The following SPAG9 variants were observed in gnomAD, a reference collection of about 807,000 sequenced individuals.
The protein encoded by SPAG9 is C-Jun-amino-terminal kinase-interacting protein 4.
A neutral mutation model predicts 166.5 loss-of-function variants in SPAG9; 35 were observed. That is an observed-to-expected ratio of 0.21 (90% confidence interval 0.16 to 0.28). The LOEUF (loss-of-function observed/expected upper bound fraction) is 0.28, where lower values mean the gene tolerates loss of function less well. SPAG9 is among the 10% of genes least tolerant of loss of function. SPAG9 has a pLI of 1.00. For missense variants in SPAG9, 1,235 were observed against 1,603.3 expected (o/e 0.77, Z 3.92); for synonymous variants, 534 against 565.5 (o/e 0.94, Z 0.79).
chr17:51,057,756 T>A (rs183624574), intron 2 of SPAG9, among the ~76,000 whole-genome samples: 1 of 152,332 alleles, frequency 6.6e-6, no homozygotes, highest in East Asian at 1.9e-4. Flanking sequence ...CACACTACAG[T>A]ACCCACGGAG....
chr17:51,060,500 C>CT lies in SPAG9; in HGVS notation c.425-4019dup, dbSNP rs139302823. Reference sequence around the variant, plus strand: ...CCTCGGTGACAGAGCGGGACTTTGTCTTTTTAAAAAAAAAAAAAAAAAAAA... The same window carrying CT: ...CCTCGGTGACAGAGCGGGACTTTGTCTTTTTTAAAAAAAAAAAAAAAAAAAA... On this transcript the variant is annotated intron_variant, in intron 2 of 29. Coordinates refer to ENST00000262013, the MANE Select transcript of SPAG9 (RefSeq NM_001130528.3). Among the ~76,000 whole-genome samples, 580 of 92,530 alleles carry CT rather than the reference C, an allele frequency of 6.3e-3. 3 individuals carry two copies. Among genetic ancestry groups the CT allele is most frequent in the African/African-American group, 0.026 (535 of 20,706 alleles). 60.7% of individuals were successfully genotyped at this position (92,530 alleles called of 152,430 possible).
chr17:51,027,338 A>G (rs2046221822), intron 6 of SPAG9, among the ~76,000 whole-genome samples: 1 of 152,060 alleles, frequency 6.6e-6, no homozygotes, highest in Non-Finnish European at 1.5e-5. Context: ...CGGCTGAGGC[A>G]CGAGAATCAC....
rs200011303 is a variant in SPAG9 at position 50,974,796 on chromosome 17, A to G, written c.3675T>C (p.Ala1225=). The G allele has an allele frequency of 1.9e-6, 3 of 1,601,074 alleles. No individual in the cohort carries two copies. The highest frequency in any genetic ancestry group is 2.5e-6 in the Non-Finnish European group (3 of 1,176,770). Residue 1225 remains alanine (A), a synonymous_variant, in exon 28 of 30, where the codon GCT becomes GCC. Transcript: ENST00000262013. The part of the protein sequence containing the change: ...AQLCFHGHRD[A]VKFFVAVPGQ... ...CTGGGACTGCCACAAAGAATTTCAC[A>G]GCATCCCGGTGCCCATGGAAGCAAA...
Position 51,086,364 on chromosome 17 carries a change from T to G in SPAG9, c.304-6660A>C, listed in dbSNP as rs2048306845. On this transcript the variant is annotated intron_variant, in intron 1 of 29. Transcript: ENST00000262013. The stretch of plus-strand genomic sequence containing the variant: ...TCATTTAAAATGCTAATCACAGCCA[T>G]GTGCAGTGGCTCATTCCTGTAATCC... Among the ~76,000 whole-genome samples the G allele has an allele frequency of 1.3e-5, 2 of 151,898 alleles. 1 individual carries two copies. Among genetic ancestry groups the G allele is most frequent in the South Asian group, 4.2e-4 (2 of 4,810 alleles).
At chr17:51,045,172 G>A (rs923572103) in intron 4 of SPAG9, among the ~76,000 whole-genome samples, 1 of 152,204 alleles carries the variant, frequency 6.6e-6, no homozygotes, top group Non-Finnish European at 1.5e-5. Context: ...CACCCAGGCA[G>A]TTCAATTCCA....
At chr17:50,969,066 G>A (rs1245448265) in intron 29 of SPAG9, among the ~76,000 whole-genome samples, 2 of 151,906 alleles carry the variant, frequency 1.3e-5, no homozygotes, top group Non-Finnish European at 2.9e-5. Context: ...CTGAATAGCT[G>A]GGATTACAGG....
chr17:51,023,842 T>C (rs1480541936), intron 6 of SPAG9, among the ~76,000 whole-genome samples: 1 of 152,162 alleles, frequency 6.6e-6, no homozygotes, highest in African/African-American at 2.4e-5. Flanking sequence ...TTTTTTGTAT[T>C]TTTGGTACAG....
intron 6 of SPAG9, among the ~76,000 whole-genome samples, chr17:51,022,577 A>C (rs2045980660): frequency 6.6e-6 from 1 of 152,034 alleles, no homozygotes; most frequent in South Asian, 2.1e-4. Flanking sequence ...GTTCTTTTGG[A>C]GCACCCAGGT....
At chr17:50,991,180 G>A (rs955577019) in intron 19 of SPAG9, among the ~76,000 whole-genome samples, 3 of 151,950 alleles carry the variant, frequency 2.0e-5, no homozygotes, top group Non-Finnish European at 4.4e-5. Context: ...AGGATTACAG[G>A]TGCGAGCCAC....
chr17:51,048,228 C>G (rs1196461314), intron 3 of SPAG9, among the ~76,000 whole-genome samples: 1 of 151,940 alleles, frequency 6.6e-6, no homozygotes, highest in Non-Finnish European at 1.5e-5. Flanking sequence ...CTTCTAATGT[C>G]CTATTTGATT....
At chr17:50,996,058 A>T (rs2044665665) in intron 16 of SPAG9, 1 of 159,790 alleles carries the variant, frequency 6.3e-6, no homozygotes, top group Non-Finnish European at 1.4e-5. Flanking sequence ...ATATAATGGG[A>T]GCTCAAAAAG....
chr17:51,089,034 G>C (rs554885083), intron 1 of SPAG9, among the ~76,000 whole-genome samples: 1 of 150,104 alleles, frequency 6.7e-6, no homozygotes, highest in African/African-American at 2.5e-5. Context: ...CAGGGGTTGC[G>C]GTGAGCGAGA....
intron 1 of SPAG9, among the ~76,000 whole-genome samples, chr17:51,080,862 G>C (rs1344341265): frequency 7.2e-6 from 1 of 138,306 alleles, no homozygotes; most frequent in Non-Finnish European, 1.5e-5. Flanking sequence ...ACTCCAGCCT[G>C]GGCTACAGAG....
At chr17:51,056,890 T>G (rs2047375577) in intron 2 of SPAG9, among the ~76,000 whole-genome samples, 1 of 152,222 alleles carries the variant, frequency 6.6e-6, no homozygotes, top group South Asian at 2.1e-4. Context: ...GTACTTTTTC[T>G]GCTTCAGGTC....
rs759118444 is a variant in SPAG9, at chr17:50,982,484, C to T, written c.3237+40G>A. On this transcript the variant is annotated intron_variant, in intron 25 of 29. Coordinates refer to ENST00000262013, the MANE Select transcript of SPAG9 (RefSeq NM_001130528.3). ...ATAGTCTAATAGTCTTCGGATAATA[C>T]AAATTCAATAAATACAGAAAACATA... 1.9e-6 allele frequency: 3 copies of T among 1,563,582 alleles called. No homozygotes were observed. In the African/African-American group the frequency reaches 4.1e-5, roughly 22 times the overall value.
chr17:51,031,745 A>G (rs2046391359), intron 5 of SPAG9, 23 bp from the exon 6 acceptor site: 1 of 1,540,990 alleles, frequency 6.5e-7, no homozygotes, highest in South Asian at 1.2e-5. Flanking sequence ...AAGATTATAA[A>G]AGAGAAAAAA....
chr17:51,100,688 G>A (rs1568088485), intron 1 of SPAG9, among the ~76,000 whole-genome samples: 1 of 152,300 alleles, frequency 6.6e-6, no homozygotes, highest in East Asian at 1.9e-4. Flanking sequence ...GGGACGCCAA[G>A]GCGGGAGGAT....
intron 20 of SPAG9, 22 bp from the exon 21 acceptor site, chr17:50,989,894 A>G (rs755511948): frequency 8.7e-6 from 14 of 1,606,212 alleles, no homozygotes; most frequent in Non-Finnish European, 1.1e-5. Flanking sequence ...ATAAAACACT[A>G]TTCCAAGTCT....
Position 51,120,405 on chromosome 17 carries a change from C to T in SPAG9, c.252G>A (p.Gln84=). ...ELELLRDDNE[Q]LITQYEREKA... Reference sequence around the variant, plus strand: ...TCTCCCGCTCGTACTGGGTGATGAGCTGCTCGTTGTCGTCCCGCAGCAGCT... The same window carrying T: ...TCTCCCGCTCGTACTGGGTGATGAGTTGCTCGTTGTCGTCCCGCAGCAGCT... Residue 84 remains glutamine (Q), a synonymous_variant, in exon 1 of 30, where the codon CAG becomes CAA. Coordinates refer to ENST00000262013, the MANE Select transcript of SPAG9 (RefSeq NM_001130528.3). This position sits in a 1 kb window ranked among gnomAD's most constrained non-coding sequence, Gnocchi z 4.7. The T allele has an allele frequency of 6.2e-7, 1 of 1,611,432 alleles. No individual in the cohort carries two copies. The highest frequency in any genetic ancestry group is 1.1e-5 in the South Asian group (1 of 90,718).
Sources: allele counts gnomAD v4.1 joint callset (sites outside exome capture counted in the v4.1 genomes callset), GRCh38; gene constraint gnomAD v4.1.1; non-coding constraint Gnocchi (gnomAD v3.1); transcripts MANE v1.5; gene names NCBI Gene and HGNC (gene_info 2026-07-23, HGNC 2026-07-21).